Variants in FANCI observed in about 807,000 individuals in gnomAD.
The protein encoded by FANCI is Fanconi anemia group I protein.
A neutral mutation model predicts 176.1 loss-of-function variants in FANCI; 156 were observed. The ratio of observed to expected loss-of-function variants is 0.89; its 90% CI spans 0.78 to 1.01. The LOEUF (loss-of-function observed/expected upper bound fraction) is 1.01. FANCI is among the 50% of genes least tolerant of loss of function. The probability of loss-of-function intolerance (pLI) is 0.00; values close to 1 mark genes in which losing one functional copy is unlikely to be tolerated. For missense variants in FANCI, 1,678 were observed against 1,534.1 expected, an observed-to-expected ratio of 1.09 and a Z score of -1.57; for synonymous variants, 613 against 541.7, an observed-to-expected ratio of 1.13 and a Z score of -1.83.
chr15:89,313,333 G>C (rs898984384), intron 35 of FANCI, among the ~76,000 whole-genome samples: 14 of 152,184 alleles, frequency 9.2e-5, no homozygotes, highest in African/African-American at 3.1e-4. Context: ...AGAAAAAATT[G>C]TGTGTATTAT....
At position 89,281,676 on chromosome 15, in the gene FANCI, T is replaced by C. The variant is rs565549008; in HGVS notation, c.1513-89T>C. 1,317 of 1,191,446 alleles carry C rather than the reference T, an allele frequency of 1.1e-3. 2 individuals carry two copies. The highest frequency in any genetic ancestry group is 1.4e-3 in the Non-Finnish European group (1,138 of 798,666). The allele number at this position is 1,191,446 out of a possible 1,614,324, so 73.8% of individuals were successfully genotyped here. ...TATAAAACAGAAGTAAGCTTCCTTA[T>C]AGAAGCCATATGGTAACAGTATTGG... On this transcript the variant is annotated intron_variant, in intron 15 of 37. Transcript: ENST00000310775.
chr15:89,276,668 T>C (rs2053423434), intron 12 of FANCI, 43 bp from the exon 13 acceptor site: 1 of 1,608,676 alleles, frequency 6.2e-7, no homozygotes, highest in Non-Finnish European at 8.5e-7. Flanking sequence ...TAAGAATATC[T>C]CACTAAGTTT....
Position 89,293,040 on chromosome 15 carries a change from C to T in FANCI, c.2268C>T (p.Tyr756=). The T allele has an allele frequency of 6.2e-7, 1 of 1,613,722 alleles. No homozygotes were observed. The highest frequency in any genetic ancestry group is 1.3e-5 in the African/African-American group (1 of 75,020). ...GAGTTTGTGAGGTTTTAATAGAATA[C>T]AATTTCTCCATAAGTAGTTTCAGGT... The part of the protein sequence containing the change: ...VMGVCEVLIE[Y]NFSISSFSKN... Residue 756 remains tyrosine, a synonymous_variant, in exon 22 of 38, where the codon TAC becomes TAT. Transcript: ENST00000310775.
chr15:89,312,779 A>G (rs2055018774), intron 34 of FANCI, 125 bp from the exon 35 acceptor site: 1 of 731,718 alleles, frequency 1.4e-6, no homozygotes, highest in Non-Finnish European at 2.3e-6. Context: ...ACATCACGCC[A>G]CTGCACACCA....
At chr15:89,280,586 T>G (rs1334475287) in intron 14 of FANCI, among the ~76,000 whole-genome samples, 1 of 152,124 alleles carries the variant, frequency 6.6e-6, no homozygotes, top group East Asian at 1.9e-4. Context: ...CTTCTCCTCA[T>G]TGCTTTCCTA....
At position 89,301,429 on chromosome 15, in the gene FANCI, C is replaced by G; in HGVS notation, c.2993C>G (p.Pro998Arg). The G allele has an allele frequency of 6.2e-7, 1 of 1,611,632 alleles. No individual in the cohort carries two copies. The change falls in exon 27 of 38, where the codon CCC becomes CGC. Residue 998 changes from proline to arginine, a missense_variant. Transcript: ENST00000310775. ...VLTSLSKLLE[P>R]SSPQFVQMLS... ...ACCAGTTTGTCCAAGTTACTGGAGC[C>G]CTCCTCTCCTCAGGTACTAGTACCG...
chr15:89,259,824 CTTTATT>C (rs1442673726), intron 3 of FANCI, among the ~76,000 whole-genome samples: 1 of 152,170 alleles, frequency 6.6e-6, no homozygotes, highest in African/African-American at 2.4e-5. Flanking sequence ...TGTATCAGTA[CTTTATT>C]TTTACTGCTG....
At chr15:89,244,490 C>T (rs1272018946) in intron 1 of FANCI, among the ~76,000 whole-genome samples, 1 of 152,206 alleles carries the variant, frequency 6.6e-6, no homozygotes, top group Non-Finnish European at 1.5e-5. Context: ...TGATGCTCCC[C>T]AGCGTCTCTT....
Position 89,303,925 on chromosome 15 carries a change from C to T in FANCI, c.3058+10C>T, listed in dbSNP as rs1375877085. Reference sequence around the variant, plus strand: ...AAGGAAAACAGCCGGGGTAAGTTTACTGCCATGTTTTCCTAAAGGCTTTAT... The same window carrying T: ...AAGGAAAACAGCCGGGGTAAGTTTATTGCCATGTTTTCCTAAAGGCTTTAT... On this transcript the variant is annotated intron_variant, in intron 28 of 37. Transcript: ENST00000310775. 3 of 1,613,488 alleles carry T rather than the reference C, an allele frequency of 1.9e-6. No homozygotes were observed. Among genetic ancestry groups the T allele is most frequent in the Middle Eastern group, 1.7e-4 (1 of 6,060 alleles).
Position 89,301,234 on chromosome 15 carries a change from C to T in FANCI, c.2890-92C>T, listed in dbSNP as rs1033404655. On this transcript the variant is annotated intron_variant, in intron 26 of 37. Transcript: ENST00000310775. ...TTTGGTAGCTTTGAATTCTTTCTGTCCTAGTCTTAGGAGTCTCTGACTAGA... is the reference window on the plus strand; with the variant it reads ...TTTGGTAGCTTTGAATTCTTTCTGTTCTAGTCTTAGGAGTCTCTGACTAGA... 3 of 845,456 alleles carry T rather than the reference C, an allele frequency of 3.5e-6. No homozygotes were observed. The African/African-American group carries it at 5.0e-5, about 14-fold the overall frequency. The allele number at this position is 845,456 out of a possible 1,614,324, so 52.4% of individuals were successfully genotyped here. A position where few individuals can be genotyped will look rare whatever the true frequency, so the allele number is the denominator to read the frequency against.
intron 10 of FANCI, among the ~76,000 whole-genome samples, chr15:89,269,068 T>C (rs1439377878): frequency 1.3e-5 from 2 of 152,212 alleles, no homozygotes; most frequent in East Asian, 3.8e-4. Flanking sequence ...ACTTTTTAGT[T>C]TGAAAATTCT....
chr15:89,305,574 G>T (rs774123157), intron 30 of FANCI, 31 bp from the exon 31 acceptor site: 1 of 1,610,480 alleles, frequency 6.2e-7, no homozygotes, highest in Non-Finnish European at 8.5e-7. Context: ...GCTGTGTGTA[G>T]TGAATCACAC....
chr15:89,263,034 T>G (rs1179440195), intron 6 of FANCI, among the ~76,000 whole-genome samples: 1 of 152,246 alleles, frequency 6.6e-6, no homozygotes, highest in Non-Finnish European at 1.5e-5. Flanking sequence ...GCACCTGGCC[T>G]GAACATCTTT....
At chr15:89,306,222 C>T (rs768045096) in intron 32 of FANCI, 28 bp downstream of exon 32, 1 of 1,610,392 alleles carries the variant, frequency 6.2e-7, no homozygotes, top group African/African-American at 1.3e-5. Context: ...GCAGATTCGC[C>T]CCACCATTCT....
Position 89,313,973 on chromosome 15 carries a change from TCACA to T in FANCI, c.3721-612_3721-609del, listed in dbSNP as rs139859584. Among the ~76,000 whole-genome samples, 242 of 98,340 alleles carry T rather than the reference TCACA, an allele frequency of 2.5e-3. 5 individuals are homozygous for T. The highest frequency in any genetic ancestry group is 3.4e-3 in the South Asian group (10 of 2,918). 64.5% of individuals were successfully genotyped at this position (98,340 alleles called of 152,430 possible). Reference sequence around the variant, plus strand: ...TCACGTTAGGGGGAAAGATATATAATCACACACACACACACACACACACACACAC... The same window carrying T: ...TCACGTTAGGGGGAAAGATATATAATCACACACACACACACACACACACAC... On this transcript the variant is annotated intron_variant, in intron 35 of 37. Coordinates refer to ENST00000310775, the MANE Select transcript of FANCI (RefSeq NM_001113378.2).
At chr15:89,308,890 G>A (rs2054836946) in intron 34 of FANCI, among the ~76,000 whole-genome samples, 1 of 151,070 alleles carries the variant, frequency 6.6e-6, no homozygotes, top group Admixed American at 6.6e-5. Flanking sequence ...AGGTTGCAGT[G>A]AGCAAAGATC....
At chr15:89,247,842 A>G in intron 2 of FANCI, 111 bp downstream of exon 2, 1 of 788,216 alleles carries the variant, frequency 1.3e-6, no homozygotes, top group Admixed American at 2.1e-5. Flanking sequence ...CTCCCCATTC[A>G]CTGTAGGAGA....
chr15:89,300,228 A>G, intron 25 of FANCI, 72 bp from the exon 26 acceptor site: 1 of 1,460,260 alleles, frequency 6.8e-7, no homozygotes, highest in Non-Finnish European at 9.5e-7. Context: ...GCTTTCAAAA[A>G]TTTTAGCTAT....
chr15:89,296,895 CG>C (rs1380876460), intron 24 of FANCI, among the ~76,000 whole-genome samples: 1 of 146,896 alleles, frequency 6.8e-6, no homozygotes, highest in Non-Finnish European at 1.5e-5. Context: ...ACCTCCCGGA[CG>C]GGGCGGCTGG....
Sources: gnomAD v4.1 joint callset for allele counts (sites outside exome capture counted in the v4.1 genomes callset) on GRCh38, gnomAD v4.1.1 for gene constraint, MANE v1.5 for transcripts, NCBI Gene and HGNC (gene_info 2026-07-23, HGNC 2026-07-21) for gene names.